The following XRN1 variants were observed in gnomAD, a reference collection of about 807,000 sequenced individuals.
XRN1 encodes the protein 5'-3' exoribonuclease 1, also known as strand-exchange protein 1 homolog.
In XRN1, 67 loss-of-function variants were observed where a neutral mutation model predicts 222.3. That is an observed-to-expected ratio of 0.30 (90% CI 0.25 to 0.37). The LOEUF (loss-of-function observed/expected upper bound fraction) is 0.37, where lower values mean the gene tolerates loss of function less well. XRN1 is among the 10% of genes least tolerant of loss of function. The pLI is 1.00. For missense variants in XRN1, 1,707 were observed against 2,000.2 expected, an observed-to-expected ratio of 0.85 and a Z score of 2.80; for synonymous variants, 643 against 652.4, an observed-to-expected ratio of 0.99 and a Z score of 0.22.
intron 6 of XRN1, 42 bp downstream of exon 6, chr3:142,423,518 G>C (rs754962213): frequency 2.0e-6 from 3 of 1,464,782 alleles, no homozygotes; most frequent in Non-Finnish European, 2.8e-6. Flanking sequence ...TTACTATCCA[G>C]GCGTAATTTC....
At chr3:142,416,338 A>G (rs1031325925) in intron 13 of XRN1, among the ~76,000 whole-genome samples, 2 of 152,048 alleles carry the variant, frequency 1.3e-5, no homozygotes, top group Non-Finnish European at 2.9e-5. Context: ...GCACACCACC[A>G]TGCCCAGCTA....
chr3:142,347,417 A>G (rs2066176138), intron 32 of XRN1, 75 bp from the exon 33 acceptor site: 1 of 920,250 alleles, frequency 1.1e-6, no homozygotes, highest in East Asian at 2.9e-5. Flanking sequence ...CTTTTAATAA[A>G]TACATTTTTA....
chr3:142,431,753 G>A (rs2069537185), intron 2 of XRN1, among the ~76,000 whole-genome samples: 1 of 135,794 alleles, frequency 7.4e-6, no homozygotes, highest in Admixed American at 7.6e-5. Flanking sequence ...GGAGGCGGAG[G>A]TTGTAATGAG....
At chr3:142,362,759 T>G (rs2066686864) in intron 29 of XRN1, among the ~76,000 whole-genome samples, 2 of 139,074 alleles carry the variant, frequency 1.4e-5, no homozygotes, top group African/African-American at 2.6e-5. Flanking sequence ...CCTTCCTTTC[T>G]TCCTTTTCTC....
chr3:142,431,830 ATATAT>A (rs759365964), intron 2 of XRN1, among the ~76,000 whole-genome samples: 1,295 of 108,298 alleles, frequency 0.012, 18 homozygotes, highest in Non-Finnish European at 0.019. Flanking sequence ...AAAAAAAATT[ATATAT>A]AATATTAAAA....
chr3:142,390,785 T>G (rs761089729), intron 20 of XRN1, among the ~76,000 whole-genome samples: 11 of 152,240 alleles, frequency 7.2e-5, no homozygotes, highest in Non-Finnish European at 1.6e-4. Flanking sequence ...TTGACATGCC[T>G]TCTTCACTAA....
At chr3:142,424,718 G>A (rs566768724) in intron 5 of XRN1, among the ~76,000 whole-genome samples, 5 of 152,014 alleles carry the variant, frequency 3.3e-5, no homozygotes, top group African/African-American at 9.7e-5. Flanking sequence ...ATAATCGGGC[G>A]GGGAGTGGGT....
At chr3:142,329,095 G>C (rs1055273338) in intron 37 of XRN1, among the ~76,000 whole-genome samples, 3 of 151,694 alleles carry the variant, frequency 2.0e-5, no homozygotes, top group African/African-American at 7.3e-5. Flanking sequence ...AGTAAATATG[G>C]ATATAAGTAA....
intron 1 of XRN1, among the ~76,000 whole-genome samples, chr3:142,440,855 G>A (rs372300016): frequency 6.6e-6 from 1 of 152,044 alleles, no homozygotes; most frequent in East Asian, 1.9e-4. Flanking sequence ...AAGAGCCTTC[G>A]AACCCAACGT....
intron 24 of XRN1, 35 bp downstream of exon 24, chr3:142,376,444 G>C (rs754483845): frequency 3.5e-6 from 5 of 1,442,802 alleles, no homozygotes; most frequent in Non-Finnish European, 4.8e-6. Flanking sequence ...TAATTTTTCT[G>C]CCACTTTAAG....
At chr3:142,395,276 A>C (rs527526043) in intron 20 of XRN1, among the ~76,000 whole-genome samples, 192 of 152,346 alleles carry the variant, frequency 1.3e-3, no homozygotes, top group African/African-American at 4.4e-3. Flanking sequence ...ATGGTAGCAA[A>C]GAAAAGCAGT....
chr3:142,421,527 A>G lies in XRN1; in HGVS notation c.984T>C (p.Ser328=), dbSNP rs1235631036. ...LPELGGYINE[S]GHLNLPRFEK... Reference sequence around the variant, plus strand: ...CAAATCGAGGTAAGTTGAGGTGCCCACTTTCATTAATATAACCTAAAAGAA... The same window carrying G: ...CAAATCGAGGTAAGTTGAGGTGCCCGCTTTCATTAATATAACCTAAAAGAA... Residue 328 remains serine, a synonymous_variant, in exon 9 of 41, where the codon AGT becomes AGC. Transcript: ENST00000392981. 8 of 1,609,804 alleles carry G rather than the reference A, an allele frequency of 5.0e-6. No individual in the cohort carries two copies. The highest frequency in any genetic ancestry group is 6.8e-6 in the Non-Finnish European group (8 of 1,178,312).
chr3:142,380,003 C>A, intron 23 of XRN1, 79 bp downstream of exon 23: 1 of 1,074,712 alleles, frequency 9.3e-7, no homozygotes, highest in Non-Finnish European at 1.3e-6. Flanking sequence ...GAAATAAATT[C>A]AAAGGAGGTG....
intron 33 of XRN1, among the ~76,000 whole-genome samples, chr3:142,342,996 T>C (rs540555230): frequency 2.6e-5 from 4 of 151,626 alleles, no homozygotes; most frequent in Non-Finnish European, 5.9e-5. Context: ...ATACACAGAA[T>C]GGGAAAAAAT....
chr3:142,351,194 C>G (rs1481478047), intron 32 of XRN1, among the ~76,000 whole-genome samples: 3 of 151,962 alleles, frequency 2.0e-5, no homozygotes, highest in Non-Finnish European at 4.4e-5. Flanking sequence ...GGTATAGATA[C>G]AGAAGAAGTC....
rs113583574 is a variant in XRN1, at chr3:142,312,204, G to T, written c.4783-391C>A. ...AGATGGGAGGATCACTTGAGCCCAG[G>T]AAGTCAAGGCTGCAGGGAGTCGAGA... On this transcript the variant is annotated intron_variant, in intron 40 of 40. Coordinates refer to ENST00000392981, the MANE Select transcript of XRN1 (RefSeq NM_001282857.2). 8.3e-3 allele frequency among the ~76,000 whole-genome samples: 1,260 copies of T among 152,216 alleles called. 19 individuals carry two copies. Among genetic ancestry groups the T allele is most frequent in the African/African-American group, 0.028 (1,153 of 41,518 alleles).
chr3:142,424,976 A>C lies in XRN1; in HGVS notation c.627+246T>G, dbSNP rs191882538. 1.0e-3 allele frequency among the ~76,000 whole-genome samples: 158 copies of C among 152,314 alleles called. 1 individual carries two copies. Among genetic ancestry groups the C allele is most frequent in the African/African-American group, 3.6e-3 (149 of 41,562 alleles). Reference sequence around the variant, plus strand: ...GCAGCCCCATTTCTCTGACCTTGGCAAAGTATTCACAGCACTAGGATTAGT... The same window carrying C: ...GCAGCCCCATTTCTCTGACCTTGGCCAAGTATTCACAGCACTAGGATTAGT... On this transcript the variant is annotated intron_variant, in intron 5 of 40. Transcript: ENST00000392981.
At chr3:142,445,650 T>C (rs1043201328) in intron 1 of XRN1, among the ~76,000 whole-genome samples, 1 of 152,226 alleles carries the variant, frequency 6.6e-6, no homozygotes, top group Non-Finnish European at 1.5e-5. Flanking sequence ...TCTTCTTGTC[T>C]CTATTGTCCC....
rs1343251969 is a variant in XRN1 at position 142,310,394 on chromosome 3, AAC to A, written c.*1115_*1116del. ...TCGTCATAAATTCTAAAATAATTTC[AAC>A]AGTTACAGCTTGAACCACACATTCA... On this transcript the variant is annotated 3_prime_UTR_variant, in exon 41 of 41. Transcript: ENST00000392981. 1.3e-5 allele frequency: 2 copies of A among 152,548 alleles called. No homozygotes were observed. The highest frequency in any genetic ancestry group is 4.8e-5 in the African/African-American group (2 of 41,446). The allele number at this position is 152,548 out of a possible 1,614,324, so 9.4% of individuals were successfully genotyped here.
Sources: allele counts gnomAD v4.1 joint callset (sites outside exome capture counted in the v4.1 genomes callset), GRCh38; gene constraint gnomAD v4.1.1; transcripts MANE v1.5; gene names NCBI Gene and HGNC (gene_info 2026-07-23, HGNC 2026-07-21).